PHLPP1: variants seen among roughly 807,000 people sequenced by gnomAD.
The protein encoded by PHLPP1 is PH domain leucine-rich repeat-containing protein phosphatase 1.
A neutral mutation model predicts 117.2 loss-of-function variants in PHLPP1; 42 were observed. The ratio of observed to expected loss-of-function variants is 0.36; its 90% confidence interval spans 0.28 to 0.46. The LOEUF is 0.46. Among genes scored for constraint, PHLPP1 ranks in the 20% least tolerant of loss-of-function variants. PHLPP1 has a pLI of 1.00. For synonymous variants in PHLPP1, 1,042 were observed against 970.7 expected, an observed-to-expected ratio of 1.07 and a Z score of -1.37; for missense variants, 2,084 against 2,241.9, an observed-to-expected ratio of 0.93 and a Z score of 1.42.
chr18:62,860,009 G>A (rs1202810140), intron 3 of PHLPP1, among the ~76,000 whole-genome samples: 1 of 152,188 alleles, frequency 6.6e-6, no homozygotes, highest in Non-Finnish European at 1.5e-5. Context: ...ACATCAGTGT[G>A]TACTTACACA....
intron 3 of PHLPP1, among the ~76,000 whole-genome samples, chr18:62,858,192 C>T (rs2144359794): frequency 6.6e-6 from 1 of 152,224 alleles, no homozygotes; most frequent in African/African-American, 2.4e-5. Flanking sequence ...CCTTTCTCAC[C>T]CCAGTATACC....
chr18:62,749,186 G>C (rs1184459699), intron 1 of PHLPP1, among the ~76,000 whole-genome samples: 1 of 149,956 alleles, frequency 6.7e-6, no homozygotes, highest in South Asian at 2.1e-4. Flanking sequence ...CACATGTTCA[G>C]ATTTACCCAA....
chr18:62,827,938 T>A (rs1914654371), intron 1 of PHLPP1, among the ~76,000 whole-genome samples: 1 of 152,132 alleles, frequency 6.6e-6, no homozygotes, highest in Admixed American at 6.6e-5. Flanking sequence ...GCTGCATAAA[T>A]GTGACAGGTT....
rs568336329 is a variant in PHLPP1 at position 62,750,428 on chromosome 18, A to G, written c.1576+33169A>G. ...CACAATAGGGCACCTGCGGACTCCT[A>G]TCAGACTTGTTGCTCTGTGATTACT... On this transcript the variant is annotated intron_variant, in intron 1 of 16. Coordinates refer to ENST00000262719, the MANE Select transcript of PHLPP1 (RefSeq NM_194449.4). 7.9e-5 allele frequency among the ~76,000 whole-genome samples: 12 copies of G among 152,174 alleles called. No individual in the cohort carries two copies. In the South Asian group the frequency reaches 1.5e-3, roughly 18 times the overall value.
At chr18:62,816,595 A>G (rs188201806) in intron 1 of PHLPP1, among the ~76,000 whole-genome samples, 5 of 152,240 alleles carry the variant, frequency 3.3e-5, no homozygotes, top group Admixed American at 1.3e-4. Context: ...AATAAAAAAA[A>G]AGAAGTTTGT....
At chr18:62,849,799 A>G (rs1915279987) in intron 3 of PHLPP1, among the ~76,000 whole-genome samples, 1 of 26,916 alleles carries the variant, frequency 3.7e-5, no homozygotes, top group African/African-American at 1.6e-4. Context: ...TGTCTCTACA[A>G]AAAAAAAAAA....
chr18:62,954,185 T>TTAGA (rs1293661327), intron 12 of PHLPP1, among the ~76,000 whole-genome samples: 2 of 152,208 alleles, frequency 1.3e-5, no homozygotes, highest in African/African-American at 4.8e-5. Flanking sequence ...GTTATCTCAC[T>TTAGA]TTTTCTGAGG....
At chr18:62,918,221 AAAAAG>A (rs1435863306) in intron 9 of PHLPP1, among the ~76,000 whole-genome samples, 2 of 151,456 alleles carry the variant, frequency 1.3e-5, no homozygotes, top group East Asian at 1.9e-4. Flanking sequence ...AAAAAAAAAA[AAAAAG>A]AGTTTGACAA....
intron 10 of PHLPP1, among the ~76,000 whole-genome samples, chr18:62,928,679 A>G (rs1909719534): frequency 6.6e-6 from 1 of 152,224 alleles, no homozygotes; most frequent in African/African-American, 2.4e-5. Flanking sequence ...ATGAAAGCAT[A>G]TATGTTTACA....
intron 1 of PHLPP1, among the ~76,000 whole-genome samples, chr18:62,784,339 A>C (rs778492912): frequency 3.3e-5 from 5 of 152,240 alleles, no homozygotes; most frequent in Non-Finnish European, 7.3e-5. Flanking sequence ...GAGGAATGTA[A>C]AGTTTCTACT....
rs1055974628 is a variant in PHLPP1 at position 62,895,896 on chromosome 18, G to A, written c.2329G>A (p.Glu777Lys). The change falls in exon 6 of 17, where the codon GAA (glutamate) becomes AAA (lysine). Residue 777 changes from glutamate (E) to lysine (K), a missense_variant. Coordinates refer to ENST00000262719, the MANE Select transcript of PHLPP1 (RefSeq NM_194449.4). The part of the protein sequence containing the change: ...LSFNEFTDIP[E>K]VLEKLTAVDK... ...TTTCAATGAATTTACTGACATTCCC[G>A]AAGTATTGGAGAAATTGACTGCTGT... 2.6e-5 allele frequency: 42 copies of A among 1,612,898 alleles called. 1 individual carries two copies. The highest frequency in any genetic ancestry group is 5.0e-5 in the Admixed American group (3 of 59,992).
chr18:62,824,526 A>G (rs1418376544), intron 1 of PHLPP1, among the ~76,000 whole-genome samples: 5 of 152,190 alleles, frequency 3.3e-5, no homozygotes, highest in Non-Finnish European at 7.3e-5. Flanking sequence ...ACATGAGGAA[A>G]CGGCAGTGAT....
intron 10 of PHLPP1, among the ~76,000 whole-genome samples, chr18:62,933,351 T>G (rs904368071): frequency 1.3e-5 from 2 of 152,166 alleles, no homozygotes; most frequent in Non-Finnish European, 2.9e-5. Flanking sequence ...ATTACCTGAC[T>G]TCAAGGTAAT....
At chr18:62,962,258 T>C (rs1457268462) in intron 13 of PHLPP1, among the ~76,000 whole-genome samples, 1 of 147,464 alleles carries the variant, frequency 6.8e-6, no homozygotes, top group Non-Finnish European at 1.5e-5. Context: ...TAGAGGCTGA[T>C]TTTATTTTAT....
intron 3 of PHLPP1, among the ~76,000 whole-genome samples, chr18:62,851,985 T>C (rs1778300920): frequency 1.3e-5 from 2 of 152,004 alleles, no homozygotes; most frequent in South Asian, 4.1e-4. Context: ...CAAGGATTCC[T>C]CCCACCTCAG....
intron 10 of PHLPP1, among the ~76,000 whole-genome samples, chr18:62,933,899 C>G (rs1007767023): frequency 6.6e-6 from 1 of 151,882 alleles, no homozygotes; most frequent in East Asian, 1.9e-4. Context: ...AGAAACAACC[C>G]CATTAAAAAG....
Position 62,830,049 on chromosome 18 carries a change from A to G in PHLPP1, c.1591A>G (p.Thr531Ala), listed in dbSNP as rs1241322849. ...IRFYAGKPHS[T>A]GSSERIQLSG... is the part of the protein sequence containing the mutation. ...GTTTATTTCAGGAAAACCTCACAGC[A>G]CGGGTAGCTCTGAACGGATTCAGCT... Residue 531 changes from threonine to alanine, a missense_variant, in exon 2 of 17, where the codon ACG becomes GCG. Around this residue, in one of 2 missense-constraint regions of PHLPP1, gnomAD observed 1,365 missense variants for 1,605.9 expected, o/e 0.85. Transcript: ENST00000262719. The G allele has an allele frequency of 6.2e-7, 1 of 1,607,648 alleles. No individual in the cohort carries two copies. The highest frequency in any genetic ancestry group is 8.5e-7 in the Non-Finnish European group (1 of 1,176,082).
rs913403633 is a variant in PHLPP1, at chr18:62,716,501, C to T, written c.818C>T (p.Pro273Leu). The T allele has an allele frequency of 2.9e-4, 349 of 1,204,018 alleles. 1 individual carries two copies. In the African/African-American group the frequency reaches 4.0e-3, roughly 14 times the overall value. 74.6% of individuals were successfully genotyped at this position (1,204,018 alleles called of 1,614,324 possible). The change falls in exon 1 of 17, where the codon CCC (proline) becomes CTC (leucine). Residue 273 changes from proline to leucine, a missense_variant. Physicochemically the swap from Pro to Leu is moderately conservative, Grantham distance 98 (BLOSUM62 -3). Transcript: ENST00000262719. The surrounding 1 kb of genome is among the most constrained non-coding windows in gnomAD (Gnocchi z 5.7). ...CCCGAGGCCGGCCCCCGGCTGGCGC[C>T]CCCGGAGCCGCGGGACTCGGAGGTA... ...PPPEAGPRLA[P>L]PEPRDSEVPP...
At chr18:62,915,993 T>C (rs1909259264) in intron 9 of PHLPP1, among the ~76,000 whole-genome samples, 2 of 152,318 alleles carry the variant, frequency 1.3e-5, no homozygotes, top group South Asian at 2.1e-4. Context: ...AGTGAAAATA[T>C]TATAGAAGTA....
Sources: gnomAD v4.1 joint callset for allele counts (sites outside exome capture counted in the v4.1 genomes callset) on GRCh38, gnomAD v4.1.1 for gene constraint, gnomAD v4.1.1 regional missense constraint, Gnocchi (gnomAD v3.1) non-coding constraint, MANE v1.5 for transcripts, NCBI Gene and HGNC (gene_info 2026-07-23, HGNC 2026-07-21) for gene names.